The following DAPK2 variants were observed in gnomAD, a reference collection of about 807,000 sequenced individuals.
DAPK2 encodes the protein death associated protein kinase 2.
In DAPK2, 35 loss-of-function variants were observed where a neutral mutation model predicts 44.1. The ratio of observed to expected loss-of-function variants is 0.79; its 90% CI spans 0.61 to 1.05. The LOEUF (loss-of-function observed/expected upper bound fraction) is 1.05, where lower values mean the gene tolerates loss of function less well. Ranked by LOEUF, DAPK2 falls within the 50% of genes least tolerant of loss-of-function variation. The pLI is 0.00. For synonymous variants in DAPK2, 174 were observed against 182.6 expected (o/e 0.95, Z 0.38); for missense variants, 453 against 483.2 (o/e 0.94, Z 0.59).
chr15:63,948,587 G>T (rs1052552106), intron 3 of DAPK2, among the ~76,000 whole-genome samples: 1 of 152,054 alleles, frequency 6.6e-6, no homozygotes, highest in Non-Finnish European at 1.5e-5. Flanking sequence ...CAACACTGAG[G>T]ATCACAATTC....
chr15:63,908,780 C>T lies in DAPK2; in HGVS notation c.1033-180G>A, dbSNP rs1209317282. ...GCTGGGGGATGGGAGGGATCTGAAA[C>T]GAGGCCAGACCAACTGCTTGGAGGA... is the stretch of plus-strand genomic sequence containing the variant. On this transcript the variant is annotated intron_variant, in intron 10 of 10. Coordinates refer to ENST00000261891, the Ensembl canonical transcript of DAPK2. The surrounding 1 kb of genome is among the most constrained non-coding windows in gnomAD (Gnocchi z 5.7). 4 of 437,388 alleles carry T rather than the reference C, an allele frequency of 9.1e-6. No homozygotes were observed. The highest frequency in any genetic ancestry group is 2.0e-5 in the African/African-American group (1 of 48,888). 27.1% of individuals were successfully genotyped at this position (437,388 alleles called of 1,614,324 possible).
At chr15:63,931,656 C>T (rs1293360959) in intron 4 of DAPK2, among the ~76,000 whole-genome samples, 9 of 152,120 alleles carry the variant, frequency 5.9e-5, no homozygotes, top group South Asian at 2.1e-4. Context: ...GGGGCAGGCT[C>T]CAGGGGAGTG....
At chr15:64,042,861 C>T (rs929826110), upstream of DAPK2, among the ~76,000 whole-genome samples, 2 of 152,210 alleles carry the variant, frequency 1.3e-5, no homozygotes, top group African/African-American at 4.8e-5. This position sits in a 1 kb window ranked among gnomAD's most constrained non-coding sequence, Gnocchi z 4.7. Context: ...CAGCCAAATG[C>T]TACCGTCTCT....
intron 2 of DAPK2, among the ~76,000 whole-genome samples, chr15:63,979,193 T>A (rs1192442937): frequency 2.0e-5 from 3 of 152,190 alleles, no homozygotes; most frequent in Non-Finnish European, 4.4e-5. Flanking sequence ...GTTCCACATG[T>A]GACATGAGTT....
Position 63,932,828 on chromosome 15 carries a change from T to C in DAPK2, c.584-2373A>G, listed in dbSNP as rs150022922. Among the ~76,000 whole-genome samples, 1,050 of 152,360 alleles carry C rather than the reference T, an allele frequency of 6.9e-3. 13 individuals carry two copies. The highest frequency in any genetic ancestry group is 0.024 in the African/African-American group (991 of 41,576). ...TTTATAAAAATGCTGTCATACTGCATGTGATTTATAGTCACTTTATTTTTT... is the reference window on the plus strand; with the variant it reads ...TTTATAAAAATGCTGTCATACTGCACGTGATTTATAGTCACTTTATTTTTT... On this transcript the variant is annotated intron_variant, in intron 4 of 10. Transcript: ENST00000261891.
In DAPK2 at chr15:63,923,228, G is replaced by C; in HGVS notation, c.858+1588C>G. On this transcript the variant is annotated intron_variant, in intron 8 of 10. Transcript: ENST00000261891. The surrounding 1 kb of genome is among the most constrained non-coding windows in gnomAD (Gnocchi z 4.2). ...GGCAAAACGCTCGAAGTTGACATAG[G>C]AGTTGTTGGGAGGCATGCTTGAGTG... 1 of 1,535,918 alleles carries C rather than the reference G, an allele frequency of 6.5e-7. No homozygotes were observed. Among genetic ancestry groups the C allele is most frequent in the East Asian group, 2.4e-5 (1 of 40,910 alleles).
In DAPK2 at chr15:64,037,735, C is replaced by T. The variant is rs1021492314; in HGVS notation, c.92+2435G>A. Among the ~76,000 whole-genome samples the T allele has an allele frequency of 5.3e-5, 8 of 152,300 alleles. No homozygotes were observed. The South Asian group carries it at 1.4e-3, about 28-fold the overall frequency. ...TTCTGTGGCCCCAGGCAAGACCCTT[C>T]CCTTCTCTGAGCCTCCATTTCCTCA... On this transcript the variant is annotated intron_variant, in intron 1 of 10. Transcript: ENST00000261891.
At chr15:64,011,661 A>C (rs2079393862) in intron 1 of DAPK2, among the ~76,000 whole-genome samples, 2 of 152,156 alleles carry the variant, frequency 1.3e-5, no homozygotes, top group South Asian at 4.1e-4. Flanking sequence ...GCTACTGAAC[A>C]CTCGAAATGT....
At chr15:63,926,139 G>A in intron 6 of DAPK2, 46 bp from the exon 8 acceptor site, 1 of 1,562,196 alleles carries the variant, frequency 6.4e-7, no homozygotes, top group South Asian at 1.2e-5. Flanking sequence ...GAAAGTAGGT[G>A]GAAATGGGGA....
In DAPK2 at chr15:63,912,245, C is replaced by T. The variant is rs763307335; in HGVS notation, c.859-48G>A. 3.2e-5 allele frequency: 51 copies of T among 1,587,256 alleles called. No homozygotes were observed. The highest frequency in any genetic ancestry group is 4.3e-5 in the Non-Finnish European group (50 of 1,158,860). On this transcript the variant is annotated intron_variant, in intron 8 of 10. Coordinates refer to ENST00000261891, the Ensembl canonical transcript of DAPK2. The surrounding 1 kb of genome is among the most constrained non-coding windows in gnomAD (Gnocchi z 4.4). ...GCAGCTGATGCTGGGCTTCAGACAG[C>T]AGCCACCCTCCTCGCCGCAGAACTC... is the stretch of plus-strand genomic sequence containing the variant.
intron 3 of DAPK2, among the ~76,000 whole-genome samples, chr15:63,958,001 C>T (rs1430554527): frequency 6.6e-6 from 1 of 152,216 alleles, no homozygotes; most frequent in Non-Finnish European, 1.5e-5. Context: ...TGTTTCTCCA[C>T]ATCCTCTTCA....
intron 2 of DAPK2, 120 bp from the exon 4 acceptor site, chr15:63,971,681 C>G (rs1252069696): frequency 4.4e-5 from 48 of 1,084,032 alleles, no homozygotes; most frequent in Non-Finnish European, 6.3e-5. Context: ...ATGGCAGAAT[C>G]CCCCTGGCTT....
intron 1 of DAPK2, among the ~76,000 whole-genome samples, chr15:63,994,279 G>A (rs2078889616): frequency 6.6e-6 from 1 of 152,062 alleles, no homozygotes; most frequent in South Asian, 2.1e-4. Flanking sequence ...CTGAAGAACC[G>A]GGAAGTGTGA....
chr15:63,922,226 G>A (rs1318445459), intron 8 of DAPK2: 1 of 950,452 alleles, frequency 1.1e-6, no homozygotes, highest in East Asian at 1.2e-4. Context: ...AGACATGAGT[G>A]CTTGGTAAGT....
In DAPK2 at chr15:63,929,581, C is replaced by T; in HGVS notation, c.633-4G>A. 3.1e-6 allele frequency: 5 copies of T among 1,614,094 alleles called. No homozygotes were observed. The highest frequency in any genetic ancestry group is 3.4e-6 in the Non-Finnish European group (4 of 1,179,986). ...GTAGGTGATGACGCCTATGCTCCTGCAAAATAAAGAACAGTCAAGTCAGGG... is the reference window on the plus strand; with the variant it reads ...GTAGGTGATGACGCCTATGCTCCTGTAAAATAAAGAACAGTCAAGTCAGGG... On this transcript the variant is annotated splice_region_variant and splice_polypyrimidine_tract_variant and intron_variant, in intron 5 of 10. Coordinates refer to ENST00000261891, the Ensembl canonical transcript of DAPK2.
chr15:63,939,098 A>T lies in DAPK2; in HGVS notation c.583+134T>A. On this transcript the variant is annotated intron_variant, in intron 4 of 10. Coordinates refer to ENST00000261891, the Ensembl canonical transcript of DAPK2. The surrounding 1 kb of genome is among the most constrained non-coding windows in gnomAD (Gnocchi z 4.3). ...CAATAAGACATTTCCTTCCCCACCCATTAGGTTTCTAGAGATGTCCCAATG... is the reference window on the plus strand; with the variant it reads ...CAATAAGACATTTCCTTCCCCACCCTTTAGGTTTCTAGAGATGTCCCAATG... 1 of 1,457,992 alleles carries T rather than the reference A, an allele frequency of 6.9e-7. No homozygotes were observed. The highest frequency in any genetic ancestry group is 9.1e-7 in the Non-Finnish European group (1 of 1,092,998). The allele number at this position is 1,457,992 out of a possible 1,614,324, so 90.3% of individuals were successfully genotyped here.
intron 1 of DAPK2, among the ~76,000 whole-genome samples, chr15:64,028,789 C>A (rs779597986): frequency 1.5e-4 from 23 of 150,982 alleles, no homozygotes; most frequent in Non-Finnish European, 2.4e-4. Flanking sequence ...AGACAGATAA[C>A]CCACAGACGG....
intron 3 of DAPK2, among the ~76,000 whole-genome samples, chr15:63,967,164 T>G (rs1595818016): frequency 6.6e-6 from 1 of 150,662 alleles, no homozygotes; most frequent in East Asian, 2.0e-4. Flanking sequence ...TGGGCAACAG[T>G]GCAAGATTCA....
intron 3 of DAPK2, among the ~76,000 whole-genome samples, chr15:63,945,191 C>T (rs11633621): frequency 0.022 from 3,291 of 152,252 alleles, 47 homozygotes; most frequent in Middle Eastern, 0.054. Context: ...TCTCCCTGAG[C>T]TTCCCCCAAC....
Sources: gnomAD v4.1 joint callset for allele counts (sites outside exome capture counted in the v4.1 genomes callset) on GRCh38, gnomAD v4.1.1 for gene constraint, Gnocchi (gnomAD v3.1) non-coding constraint, MANE v1.5 for transcripts, NCBI Gene and HGNC (gene_info 2026-07-23, HGNC 2026-07-21) for gene names.